RALGPS2: variants seen among roughly 807,000 people sequenced by gnomAD.
The protein encoded by RALGPS2 is ras-specific guanine nucleotide-releasing factor RalGPS2.
A neutral mutation model predicts 86.8 loss-of-function variants in RALGPS2; 43 were observed. That is an observed-to-expected ratio of 0.50 (90% CI 0.39 to 0.64). The LOEUF is 0.64. RALGPS2 is among the 30% of genes least tolerant of loss of function. RALGPS2 has a pLI of 0.00. For synonymous variants in RALGPS2, 243 were observed against 231.3 expected (o/e 1.05, Z -0.46); for missense variants, 536 against 694.6 (o/e 0.77, Z 2.57).
chr1:178,839,688 A>G (rs1381012088), intron 8 of RALGPS2, among the ~76,000 whole-genome samples: 7 of 152,248 alleles, frequency 4.6e-5, no homozygotes, highest in Non-Finnish European at 5.9e-5. Flanking sequence ...AATGGGCTAA[A>G]TGCTCCAATT....
chr1:178,785,109 T>C (rs2102129032), intron 3 of RALGPS2, among the ~76,000 whole-genome samples: 1 of 152,138 alleles, frequency 6.6e-6, no homozygotes, highest in East Asian at 1.9e-4. Flanking sequence ...GTGGGATAGG[T>C]CCATAGCATA....
intron 8 of RALGPS2, among the ~76,000 whole-genome samples, chr1:178,835,686 C>A (rs1239540966): frequency 1.3e-5 from 2 of 152,220 alleles, no homozygotes; most frequent in Middle Eastern, 3.4e-3. Context: ...AGTGATGGCA[C>A]CCAGCTGTAG....
chr1:178,906,884 A>T lies in RALGPS2; in HGVS notation c.1722+17A>T. ...AAACAACAGGTAAGCATTTCTCCTA[A>T]TTCTCAGAATAGTCCATAATTTGGG... On this transcript the variant is annotated intron_variant, in intron 19 of 19. Transcript: ENST00000367635. 6.2e-7 allele frequency: 1 copy of T among 1,606,324 alleles called. No homozygotes were observed. Among genetic ancestry groups the T allele is most frequent in the Non-Finnish European group, 8.5e-7 (1 of 1,173,486 alleles).
chr1:178,790,126 T>A (rs1473753226), intron 4 of RALGPS2, among the ~76,000 whole-genome samples: 1 of 152,054 alleles, frequency 6.6e-6, no homozygotes, highest in Non-Finnish European at 1.5e-5. Context: ...TTTTTTATTT[T>A]ATTTTTTTAG....
intron 1 of RALGPS2, among the ~76,000 whole-genome samples, chr1:178,731,202 T>C (rs1283491443): frequency 2.0e-5 from 3 of 151,364 alleles, no homozygotes; most frequent in South Asian, 2.1e-4. Context: ...ATGGCAGGGA[T>C]AGGTATAGAA....
At chr1:178,812,256 C>G (rs184884261) in intron 6 of RALGPS2, among the ~76,000 whole-genome samples, 3 of 152,174 alleles carry the variant, frequency 2.0e-5, no homozygotes, top group Non-Finnish European at 4.4e-5. Context: ...GCCCAGAGAA[C>G]GAAGTCCTGA....
intron 1 of RALGPS2, among the ~76,000 whole-genome samples, chr1:178,773,160 A>C (rs1652888201): frequency 6.6e-6 from 1 of 152,140 alleles, no homozygotes; most frequent in South Asian, 2.1e-4. Flanking sequence ...ATAGATGATG[A>C]TGTAATAGTG....
rs575416027 is a variant in RALGPS2, at chr1:178,896,631, T to C, written c.1432-1033T>C. On this transcript the variant is annotated intron_variant, in intron 16 of 19. Coordinates refer to ENST00000367635, the MANE Select transcript of RALGPS2 (RefSeq NM_152663.5). ...TATCCCTCCCCCGACCCCACAACAG[T>C]CCCCAGAGTGTGATATTCCCCTTCC... Among the ~76,000 whole-genome samples, 10 of 130,532 alleles carry C rather than the reference T, an allele frequency of 7.7e-5. No homozygotes were observed. In the East Asian group the frequency reaches 2.7e-3, roughly 36 times the overall value. The allele number at this position is 130,532 out of a possible 152,430, so 85.6% of individuals were successfully genotyped here.
chr1:178,817,371 A>G (rs1319694573), intron 6 of RALGPS2, among the ~76,000 whole-genome samples: 2 of 139,490 alleles, frequency 1.4e-5, no homozygotes, highest in African/African-American at 2.7e-5. Flanking sequence ...AAAAAAAAAA[A>G]GAATATCTAA....
chr1:178,728,945 G>T (rs1343518788), intron 1 of RALGPS2, among the ~76,000 whole-genome samples: 1 of 152,180 alleles, frequency 6.6e-6, no homozygotes, highest in Non-Finnish European at 1.5e-5. Flanking sequence ...GCTAGTTAGG[G>T]ATATGGGAAG....
At chr1:178,889,045 T>C (rs938304585) in intron 13 of RALGPS2, among the ~76,000 whole-genome samples, 6 of 152,240 alleles carry the variant, frequency 3.9e-5, no homozygotes, top group Admixed American at 2.0e-4. Context: ...TTGGTTTTTT[T>C]TCCCCCTAGC....
chr1:178,795,216 A>G (rs976326013), intron 4 of RALGPS2, among the ~76,000 whole-genome samples: 34 of 151,900 alleles, frequency 2.2e-4, no homozygotes, highest in Admixed American at 1.4e-3. Flanking sequence ...TTTATACTCT[A>G]TTTATCCTCG....
At chr1:178,853,289 C>T (rs1180916896) in intron 8 of RALGPS2, 1 of 876,484 alleles carries the variant, frequency 1.1e-6, no homozygotes, top group Non-Finnish European at 1.4e-6. Context: ...TTCCTGGTCT[C>T]TCTCATATTC....
At chr1:178,818,993 T>C (rs866979461) in intron 6 of RALGPS2, among the ~76,000 whole-genome samples, 1 of 147,142 alleles carries the variant, frequency 6.8e-6, no homozygotes, top group African/African-American at 2.5e-5. Flanking sequence ...TCTTTTTCTT[T>C]TTTTTTTTTT....
Position 178,853,484 on chromosome 1 carries a change from G to C in RALGPS2, c.607+19934G>C, listed in dbSNP as rs1286407812. The C allele has an allele frequency of 9.5e-6, 9 of 951,652 alleles. No homozygotes were observed. In the African/African-American group the frequency reaches 1.4e-4, roughly 15 times the overall value. The allele number at this position is 951,652 out of a possible 1,614,324, so 59.0% of individuals were successfully genotyped here. A position where few individuals can be genotyped will look rare whatever the true frequency, so the allele number is the denominator to read the frequency against. On this transcript the variant is annotated intron_variant, in intron 8 of 19. Coordinates refer to ENST00000367635, the MANE Select transcript of RALGPS2 (RefSeq NM_152663.5). ...AGATGTAGATAATGAAAAAACATAT[G>C]GATAGTTATTTTTAACTGTGTGTCT...
intron 6 of RALGPS2, among the ~76,000 whole-genome samples, chr1:178,812,777 CTCTT>C (rs1655043488): frequency 6.6e-6 from 1 of 152,122 alleles, no homozygotes. Context: ...AAAGTCATAA[CTCTT>C]TCCTATTTTC....
chr1:178,905,266 C>T (rs1660343386), intron 18 of RALGPS2, among the ~76,000 whole-genome samples: 1 of 152,162 alleles, frequency 6.6e-6, no homozygotes. Flanking sequence ...AAGATGAGAG[C>T]ATTTTCATTG....
At chr1:178,904,143 T>C (rs1660293821) in intron 18 of RALGPS2, among the ~76,000 whole-genome samples, 1 of 152,166 alleles carries the variant, frequency 6.6e-6, no homozygotes, top group Non-Finnish European at 1.5e-5. Flanking sequence ...TGGCCATTTG[T>C]GTATCTTCTT....
intron 1 of RALGPS2, among the ~76,000 whole-genome samples, chr1:178,763,481 A>C (rs544498559): frequency 6.6e-6 from 1 of 152,380 alleles, no homozygotes; most frequent in Admixed American, 6.5e-5. Context: ...AGCCATGAAC[A>C]TGGAATGCTT....
Sources: gnomAD v4.1 joint callset for allele counts (sites outside exome capture counted in the v4.1 genomes callset) on GRCh38, gnomAD v4.1.1 for gene constraint, MANE v1.5 for transcripts, NCBI Gene and HGNC (gene_info 2026-07-23, HGNC 2026-07-21) for gene names.